The following ACVR1 variants were observed in gnomAD, a reference collection of about 807,000 sequenced individuals.
ACVR1 encodes activin receptor type-1.
A neutral mutation model predicts 57.1 loss-of-function variants in ACVR1; 38 were observed. The ratio of observed to expected loss-of-function variants is 0.67; its 90% confidence interval spans 0.51 to 0.87. The LOEUF is 0.87. Ranked by LOEUF, ACVR1 falls within the 40% of genes least tolerant of loss-of-function variation. The pLI, the probability that ACVR1 is intolerant of heterozygous loss-of-function variation, is 0.00. For missense variants in ACVR1, 463 were observed against 638.2 expected, an observed-to-expected ratio of 0.73 and a Z score of 2.96; for synonymous variants, 212 against 228.1, an observed-to-expected ratio of 0.93 and a Z score of 0.63.
intron 2 of ACVR1, among the ~76,000 whole-genome samples, chr2:157,807,854 T>TGGGGG (rs57885640): frequency 1.3e-3 from 39 of 31,102 alleles, no homozygotes; most frequent in Middle Eastern, 0.016. Flanking sequence ...TATAATAATT[T>TGGGGG]GGGGGGGGGG....
intron 10 of ACVR1, 122 bp downstream of exon 10, chr2:157,738,318 G>A: frequency 7.0e-7 from 1 of 1,433,016 alleles, no homozygotes. Flanking sequence ...ATATAAAATA[G>A]GAAGAGAAAA....
chr2:157,825,906 A>C (rs918454646), intron 1 of ACVR1, among the ~76,000 whole-genome samples: 1 of 152,348 alleles, frequency 6.6e-6, no homozygotes, highest in East Asian at 1.9e-4. Flanking sequence ...AAACAGAATC[A>C]GACTTCTCTG....
At chr2:157,762,095 G>C (rs186965807) in intron 8 of ACVR1, among the ~76,000 whole-genome samples, 1 of 152,236 alleles carries the variant, frequency 6.6e-6, no homozygotes, top group Admixed American at 6.5e-5. Context: ...AAACAGACAG[G>C]TTCCTCTTTC....
intron 1 of ACVR1, among the ~76,000 whole-genome samples, chr2:157,870,153 T>A (rs570858764): frequency 9.2e-5 from 14 of 152,294 alleles, no homozygotes; most frequent in African/African-American, 2.9e-4. Flanking sequence ...TATTGCACAT[T>A]TTCCTCAGTA....
chr2:157,869,213 T>G (rs536013530), intron 1 of ACVR1, among the ~76,000 whole-genome samples: 1 of 152,226 alleles, frequency 6.6e-6, no homozygotes, highest in African/African-American at 2.4e-5. Flanking sequence ...ACACTGGAGC[T>G]GGTCCAAATC....
intron 1 of ACVR1, among the ~76,000 whole-genome samples, chr2:157,842,372 T>C (rs1172327111): frequency 6.6e-6 from 1 of 152,188 alleles, no homozygotes; most frequent in Non-Finnish European, 1.5e-5. Flanking sequence ...GTTCACTGCC[T>C]TTCCTTCCCA....
rs150105269 is a variant in ACVR1 at position 157,745,029 on chromosome 2, C to T, written c.1265-6459G>A. Among the ~76,000 whole-genome samples the T allele has an allele frequency of 1.6e-4, 25 of 152,310 alleles. No homozygotes were observed. In the East Asian group the frequency reaches 4.4e-3, roughly 27 times the overall value. ...TAGCCCATTGTAATTCATGGGCTTA[C>T]GGAGCCATGTACATTACTCAAAGTC... On this transcript the variant is annotated intron_variant, in intron 9 of 10. Coordinates refer to ENST00000434821, the MANE Select transcript of ACVR1 (RefSeq NM_001111067.4).
intron 1 of ACVR1, among the ~76,000 whole-genome samples, chr2:157,826,915 G>A (rs1444123274): frequency 1.4e-5 from 2 of 147,746 alleles, no homozygotes; most frequent in African/African-American, 5.0e-5. Flanking sequence ...AAGAAAGGAA[G>A]GAAGGAAGGG....
intron 1 of ACVR1, among the ~76,000 whole-genome samples, chr2:157,837,417 T>C (rs1416043633): frequency 9.2e-5 from 14 of 152,206 alleles, no homozygotes; most frequent in Non-Finnish European, 4.4e-5. Context: ...GAAGTACATA[T>C]AGAATGAAAG....
chr2:157,777,416 T>A (rs1686333489), intron 5 of ACVR1, among the ~76,000 whole-genome samples: 1 of 152,228 alleles, frequency 6.6e-6, no homozygotes, highest in South Asian at 2.1e-4. Flanking sequence ...GCAAAAAGAA[T>A]GTAAAATTTA....
chr2:157,810,784 T>C (rs1249720058), intron 2 of ACVR1, among the ~76,000 whole-genome samples: 1 of 152,132 alleles, frequency 6.6e-6, no homozygotes, highest in African/African-American at 2.4e-5. Context: ...TCTTCATCCT[T>C]TCACCGAACA....
chr2:157,851,894 CACACACACACACA>C (rs1199501451), intron 1 of ACVR1, among the ~76,000 whole-genome samples: 745 of 38,766 alleles, frequency 0.019, 34 homozygotes, highest in South Asian at 0.029. Flanking sequence ...CACACACACA[CACACACACACACA>C]CACCACCCCC....
chr2:157,828,140 C>A (rs893874128), intron 1 of ACVR1, among the ~76,000 whole-genome samples: 5 of 151,892 alleles, frequency 3.3e-5, no homozygotes, highest in African/African-American at 9.7e-5. Context: ...CATGGCAAAA[C>A]CTCGTCTCTA....
intron 1 of ACVR1, among the ~76,000 whole-genome samples, chr2:157,844,793 G>C (rs1048908689): frequency 8.6e-5 from 13 of 151,972 alleles, no homozygotes; most frequent in African/African-American, 2.9e-4. Flanking sequence ...GTATTAAGAG[G>C]GGGGGAGCCT....
rs1293856315 is a variant in ACVR1 at position 157,876,293 on chromosome 2, A to T, written c.-680T>A. Among the ~76,000 whole-genome samples, 1 of 138,778 alleles carries T rather than the reference A, an allele frequency of 7.2e-6. No individual in the cohort carries two copies. The highest frequency in any genetic ancestry group is 2.8e-5 in the African/African-American group (1 of 36,328). 91.0% of individuals were successfully genotyped at this position (138,778 alleles called of 152,430 possible). ...GAGTAGAAAAGTTCCCCCTGCGCCG[A>T]GGGGGAGGCTGCGGCGGCGGCGGCG... On this transcript the variant is annotated 5_prime_UTR_variant, in exon 1 of 11. Transcript: ENST00000434821.
chr2:157,828,213 C>T (rs1002122898), intron 1 of ACVR1, among the ~76,000 whole-genome samples: 8 of 151,932 alleles, frequency 5.3e-5, no homozygotes, highest in Admixed American at 2.6e-4. Context: ...TTTGGGAGGT[C>T]CAGGCAGGCA....
chr2:157,835,972 C>A (rs1688769309), intron 1 of ACVR1, among the ~76,000 whole-genome samples: 1 of 152,190 alleles, frequency 6.6e-6, no homozygotes, highest in Admixed American at 6.5e-5. Context: ...TACCATGGAG[C>A]CTTTCAACTA....
chr2:157,759,399 T>C (rs546859255), intron 9 of ACVR1, among the ~76,000 whole-genome samples: 2 of 151,990 alleles, frequency 1.3e-5, no homozygotes, highest in Admixed American at 6.6e-5. Context: ...TCTACCAAGA[T>C]GGAACCAAAA....
At chr2:157,767,314 G>A (rs1341592354) in intron 7 of ACVR1, among the ~76,000 whole-genome samples, 5 of 152,152 alleles carry the variant, frequency 3.3e-5, no homozygotes, top group African/African-American at 7.2e-5. Flanking sequence ...GATTACAAGC[G>A]TGAGACATCG....
Sources: gnomAD v4.1 joint callset for allele counts (sites outside exome capture counted in the v4.1 genomes callset) on GRCh38, gnomAD v4.1.1 for gene constraint, MANE v1.5 for transcripts, NCBI Gene and HGNC (gene_info 2026-07-23, HGNC 2026-07-21) for gene names.